The following CNTLN variants were observed in gnomAD, a reference collection of about 807,000 sequenced individuals.
CNTLN encodes centlein.
A neutral mutation model predicts 180.0 loss-of-function variants in CNTLN; 212 were observed. The observed-to-expected ratio is 1.18, with a 90% CI of 1.05 to 1.32. CNTLN has a LOEUF of 1.32. Ranked by LOEUF, CNTLN falls within the 40% of genes most tolerant of loss-of-function variation. CNTLN has a pLI of 0.00. For missense variants in CNTLN, 2,095 were observed against 1,610.9 expected (o/e 1.30, Z -5.14); for synonymous variants, 722 against 563.1 (o/e 1.28, Z -3.99).
intron 2 of CNTLN, among the ~76,000 whole-genome samples, chr9:17,209,932 T>A (rs1185197815): frequency 6.6e-6 from 1 of 152,200 alleles, no homozygotes; most frequent in Non-Finnish European, 1.5e-5. Context: ...TTTTCCATCT[T>A]TATGGATGGA....
chr9:17,359,182 C>A (rs938836695), intron 12 of CNTLN, among the ~76,000 whole-genome samples: 1 of 152,042 alleles, frequency 6.6e-6, no homozygotes, highest in East Asian at 1.9e-4. Context: ...CCATGCCTGG[C>A]TAATTTTTTG....
intron 6 of CNTLN, among the ~76,000 whole-genome samples, chr9:17,282,219 C>T (rs1828710059): frequency 6.6e-6 from 1 of 152,132 alleles, no homozygotes; most frequent in African/African-American, 2.4e-5. Context: ...CCTCAGCCTC[C>T]CAAAGTGCTG....
chr9:17,511,690 A>C, the CNTLN span, among the ~76,000 whole-genome samples: 7 of 151,848 alleles, frequency 4.6e-5, 1 homozygote, highest in East Asian at 3.9e-4. Flanking sequence ...GCACACCCAC[A>C]CACACACACC....
chr9:17,494,550 G>A (rs1039801773), intron 25 of CNTLN, among the ~76,000 whole-genome samples: 1 of 151,972 alleles, frequency 6.6e-6, no homozygotes, highest in Non-Finnish European at 1.5e-5. Context: ...AGGCCCCAGG[G>A]TCTGCTGTTC....
chr9:17,359,739 A>ACAAACAAAC (rs1823184433), intron 12 of CNTLN, among the ~76,000 whole-genome samples: 1 of 120,018 alleles, frequency 8.3e-6, no homozygotes, highest in African/African-American at 3.2e-5. Context: ...AAAAAAAAAA[A>ACAAACAAAC]AAAAAAAAAA....
intron 5 of CNTLN, among the ~76,000 whole-genome samples, chr9:17,242,304 GT>G (rs536610326): frequency 6.7e-5 from 9 of 134,890 alleles, no homozygotes; most frequent in Non-Finnish European, 1.1e-4. Context: ...TGATCATGTG[GT>G]TTTTTTTTTT....
intron 18 of CNTLN, among the ~76,000 whole-genome samples, chr9:17,449,296 A>C (rs1031347388): frequency 6.8e-6 from 1 of 146,456 alleles, no homozygotes; most frequent in Non-Finnish European, 1.5e-5. Context: ...CAGTCCCCAG[A>C]GTGTGATGTT....
At chr9:17,329,951 G>C (rs1052605309) in intron 8 of CNTLN, among the ~76,000 whole-genome samples, 12 of 151,866 alleles carry the variant, frequency 7.9e-5, no homozygotes, top group Admixed American at 2.0e-4. Context: ...AATTTGCATG[G>C]GTTTTAATGG....
At chr9:17,522,944 T>C in the CNTLN span, among the ~76,000 whole-genome samples, 2 of 152,092 alleles carry the variant, frequency 1.3e-5, no homozygotes, top group African/African-American at 4.8e-5. Context: ...AGAGAGTCAC[T>C]GTCTTCTCAT....
intron 6 of CNTLN, among the ~76,000 whole-genome samples, chr9:17,289,821 T>C (rs1829243106): frequency 7.1e-6 from 1 of 141,218 alleles, no homozygotes; most frequent in Admixed American, 7.0e-5. Flanking sequence ...GGCTTCTGCA[T>C]TGTTCACCTA....
At chr9:17,373,816 C>T (rs1564043047) in intron 13 of CNTLN, among the ~76,000 whole-genome samples, 4 of 152,050 alleles carry the variant, frequency 2.6e-5, no homozygotes, top group Non-Finnish European at 5.9e-5. Context: ...TATATTCATA[C>T]CTCCATATAA....
chr9:17,224,460 T>C (rs1464102960), intron 2 of CNTLN, among the ~76,000 whole-genome samples: 1 of 152,044 alleles, frequency 6.6e-6, no homozygotes, highest in Non-Finnish European at 1.5e-5. Context: ...TTATTTTTCA[T>C]CCCCATAGTT....
intron 5 of CNTLN, among the ~76,000 whole-genome samples, chr9:17,268,150 T>C (rs1434865688): frequency 2.0e-5 from 3 of 152,192 alleles, no homozygotes; most frequent in East Asian, 3.9e-4. Flanking sequence ...CTCTGTTTTT[T>C]CCCCATCTTT....
At chr9:17,231,513 C>G (rs1254253283) in intron 3 of CNTLN, among the ~76,000 whole-genome samples, 1 of 151,968 alleles carries the variant, frequency 6.6e-6, no homozygotes, top group Non-Finnish European at 1.5e-5. Context: ...GATAGCATGA[C>G]TTATGATAAC....
At chr9:17,468,601 A>G (rs1822259) in intron 23 of CNTLN, among the ~76,000 whole-genome samples, 116,332 of 151,204 alleles carry the variant, frequency 0.77, 47,347 homozygotes, top group Non-Finnish European at 0.88. Flanking sequence ...ACATTCTTTG[A>G]ATGTGGCACT....
the CNTLN span, among the ~76,000 whole-genome samples, chr9:17,516,690 G>A: frequency 6.6e-6 from 1 of 152,170 alleles, no homozygotes; most frequent in South Asian, 2.1e-4. Context: ...TGGAGGGTAA[G>A]TCAGCGAACC....
intron 23 of CNTLN, among the ~76,000 whole-genome samples, chr9:17,470,185 C>T (rs570175881): frequency 6.6e-6 from 1 of 151,998 alleles, no homozygotes; most frequent in East Asian, 1.9e-4. Flanking sequence ...CATAACAGGG[C>T]TCAGTAAATT....
chr9:17,191,639 T>C (rs1821794180), intron 2 of CNTLN, among the ~76,000 whole-genome samples: 1 of 152,224 alleles, frequency 6.6e-6, no homozygotes, highest in Non-Finnish European at 1.5e-5. Context: ...TAAGGAATAA[T>C]ATATGACATT....
chr9:17,187,200 A>G (rs770701641), intron 2 of CNTLN, among the ~76,000 whole-genome samples: 66 of 152,094 alleles, frequency 4.3e-4, no homozygotes, highest in Middle Eastern at 3.2e-3. Flanking sequence ...TCTAATTATT[A>G]TAAATTTCCT....
Sources: allele counts gnomAD v4.1 joint callset (sites outside exome capture counted in the v4.1 genomes callset), GRCh38; gene constraint gnomAD v4.1.1; transcripts MANE v1.5; gene names NCBI Gene and HGNC (gene_info 2026-07-23, HGNC 2026-07-21).